KCNIP4: variants seen among roughly 807,000 people sequenced by gnomAD.
KCNIP4 encodes the protein Kv channel-interacting protein 4.
In KCNIP4, 12 loss-of-function variants were observed where a neutral mutation model predicts 34.0. The observed-to-expected ratio is 0.35, with a 90% CI of 0.23 to 0.57. KCNIP4 has a LOEUF of 0.57. KCNIP4 is among the 20% of genes least tolerant of loss of function. The pLI is 0.83. For missense variants in KCNIP4, 238 were observed against 311.7 expected (o/e 0.76, Z 1.78); for synonymous variants, 124 against 102.2 (o/e 1.21, Z -1.29).
At chr4:20,922,640 C>T (rs2149588481) in intron 1 of KCNIP4, among the ~76,000 whole-genome samples, 1 of 151,978 alleles carries the variant, frequency 6.6e-6, no homozygotes, top group African/African-American at 2.4e-5. Context: ...AATAAATTTA[C>T]TTCATGTCTC....
intron 1 of KCNIP4, among the ~76,000 whole-genome samples, chr4:21,238,563 A>T (rs928588426): frequency 4.6e-5 from 7 of 152,216 alleles, no homozygotes; most frequent in Non-Finnish European, 4.4e-5. Context: ...TGCAAAAATC[A>T]CAAGCATTCT....
At chr4:21,765,137 T>C (rs1424955593) in intron 1 of KCNIP4, among the ~76,000 whole-genome samples, 2 of 147,278 alleles carry the variant, frequency 1.4e-5, no homozygotes, top group African/African-American at 2.6e-5. Context: ...CTTTTTGTCA[T>C]TGTTTTATTA....
chr4:20,732,062 C>G lies in KCNIP4; in HGVS notation c.649G>C (p.Asp217His). 1.2e-6 allele frequency: 2 copies of G among 1,604,140 alleles called. No homozygotes were observed. Among genetic ancestry groups the G allele is most frequent in the Non-Finnish European group, 1.7e-6 (2 of 1,176,750 alleles). ...GTAACAACCCCATCTTTATTTTTGT[C>G]CATTTTCTGTTCAGGAAGAAAACAA... is the stretch of plus-strand genomic sequence containing the variant. Reference protein sequence around the residue: ...QHVETFFQKMDKNKDGVVTID... With the variant: ...QHVETFFQKMHKNKDGVVTID... The change falls in exon 8 of 9, where the codon GAC (aspartate) becomes CAC (histidine). Residue 217 changes from aspartate to histidine, a missense_variant. Coordinates refer to ENST00000382152, the MANE Select transcript of KCNIP4 (RefSeq NM_025221.6).
chr4:21,522,667 G>T (rs916873906), intron 1 of KCNIP4, among the ~76,000 whole-genome samples: 1 of 151,856 alleles, frequency 6.6e-6, no homozygotes, highest in Non-Finnish European at 1.5e-5. Flanking sequence ...ATGAGCTCTG[G>T]AGATAAATCC....
intron 1 of KCNIP4, among the ~76,000 whole-genome samples, chr4:21,543,350 A>T (rs1404981882): frequency 6.6e-6 from 1 of 152,088 alleles, no homozygotes; most frequent in Non-Finnish European, 1.5e-5. Flanking sequence ...TAAAAACTGT[A>T]ATTTCAAAAT....
Position 20,876,702 on chromosome 4 carries a change from G to T in KCNIP4, c.163+5906C>A, listed in dbSNP as rs1204846326. On this transcript the variant is annotated intron_variant, in intron 2 of 8. Coordinates refer to ENST00000382152, the MANE Select transcript of KCNIP4 (RefSeq NM_025221.6). ...TGATTCTCCTGCCTCAGCCTTCCAA[G>T]TAGCTGGGACTACAGACGTGCCACC... 2.0e-5 allele frequency among the ~76,000 whole-genome samples: 3 copies of T among 152,186 alleles called. No homozygotes were observed. In the East Asian group the frequency reaches 5.8e-4, roughly 30 times the overall value.
At chr4:20,999,213 T>C (rs1433420549) in intron 1 of KCNIP4, among the ~76,000 whole-genome samples, 2 of 152,150 alleles carry the variant, frequency 1.3e-5, no homozygotes, top group Non-Finnish European at 2.9e-5. Flanking sequence ...GCTTGGAACC[T>C]AGAGGGAGAT....
intron 1 of KCNIP4, among the ~76,000 whole-genome samples, chr4:21,574,585 G>A (rs1271307318): frequency 6.6e-6 from 1 of 152,076 alleles, no homozygotes; most frequent in Admixed American, 6.6e-5. Flanking sequence ...AATCATTGCA[G>A]AAGGTGAAAA....
chr4:21,674,163 T>C (rs1749707073), intron 1 of KCNIP4, among the ~76,000 whole-genome samples: 1 of 152,182 alleles, frequency 6.6e-6, no homozygotes, highest in South Asian at 2.1e-4. Flanking sequence ...TTGCTATATG[T>C]ATTGAATTTG....
intron 1 of KCNIP4, among the ~76,000 whole-genome samples, chr4:21,248,962 GT>G (rs1160960619): frequency 6.6e-6 from 1 of 152,076 alleles, no homozygotes; most frequent in East Asian, 1.9e-4. Flanking sequence ...AACCCAAGTG[GT>G]CAACCAGTAA....
At position 20,992,780 on chromosome 4, in the gene KCNIP4, C is replaced by A. The variant is rs146006633; in HGVS notation, c.62-110071G>T. Among the ~76,000 whole-genome samples, 870 of 152,144 alleles carry A rather than the reference C, an allele frequency of 5.7e-3. 4 individuals are homozygous for A. Among genetic ancestry groups the A allele is most frequent in the Non-Finnish European group, 9.5e-3 (648 of 67,986 alleles). On this transcript the variant is annotated intron_variant, in intron 1 of 8. Transcript: ENST00000382152. ...TGGTGGCTCATGCCTGTAATCCCAG[C>A]AATTTGGGGGGCCAAGGCAGGTGGA...
At chr4:20,835,304 C>T (rs1349211341) in intron 3 of KCNIP4, among the ~76,000 whole-genome samples, 1 of 151,912 alleles carries the variant, frequency 6.6e-6, no homozygotes, top group Non-Finnish European at 1.5e-5. Flanking sequence ...GGACTAAATC[C>T]TTTTGTCTCT....
At chr4:21,504,479 G>GAAAGAAAGAAAGAAAA (rs1733654169) in intron 1 of KCNIP4, among the ~76,000 whole-genome samples, 1 of 79,346 alleles carries the variant, frequency 1.3e-5, no homozygotes, top group African/African-American at 6.2e-5. Flanking sequence ...AAAAAAAAAA[G>GAAAGAAAGAAAGAAAA]AAAGAAAGAA....
intron 1 of KCNIP4, among the ~76,000 whole-genome samples, chr4:21,760,873 A>C (rs1380080690): frequency 6.6e-6 from 1 of 152,262 alleles, no homozygotes; most frequent in African/African-American, 2.4e-5. Context: ...AATGACCAAA[A>C]CATATCTTAA....
chr4:21,320,799 C>A (rs1186334586), intron 1 of KCNIP4, among the ~76,000 whole-genome samples: 1 of 151,850 alleles, frequency 6.6e-6, no homozygotes, highest in African/African-American at 2.4e-5. Context: ...GGCGAAGCCC[C>A]ATCTCTACTA....
intron 1 of KCNIP4, among the ~76,000 whole-genome samples, chr4:21,041,713 T>G (rs1741978654): frequency 6.6e-6 from 1 of 152,142 alleles, no homozygotes; most frequent in Non-Finnish European, 1.5e-5. Flanking sequence ...AAACTAAACT[T>G]TTTCGTTTGG....
intron 1 of KCNIP4, among the ~76,000 whole-genome samples, chr4:21,101,877 G>A (rs1560786): frequency 0.29 from 44,264 of 152,052 alleles, 7,110 homozygotes; most frequent in African/African-American, 0.44. Flanking sequence ...TGATTTAAGT[G>A]TATGCTGATC....
intron 1 of KCNIP4, among the ~76,000 whole-genome samples, chr4:21,482,234 T>C (rs1028822237): frequency 1.3e-5 from 2 of 152,142 alleles, no homozygotes; most frequent in African/African-American, 2.4e-5. Context: ...TTCCTGAATA[T>C]AGCACACTGA....
At chr4:21,948,425 C>T (rs1189629795) in intron 1 of KCNIP4, 146 bp downstream of exon 1, 1 of 837,568 alleles carries the variant, frequency 1.2e-6, no homozygotes, top group Non-Finnish European at 1.9e-6. Flanking sequence ...CTCCCACCTC[C>T]CCTTCCCAGT....
Sources: allele counts gnomAD v4.1 joint callset (sites outside exome capture counted in the v4.1 genomes callset), GRCh38; gene constraint gnomAD v4.1.1; transcripts MANE v1.5; gene names NCBI Gene and HGNC (gene_info 2026-07-23, HGNC 2026-07-21).